Variants in UPK1B observed in about 807,000 individuals in gnomAD.
The protein encoded by UPK1B is uroplakin-1b.
Under a neutral mutation model 34.2 loss-of-function variants are expected in UPK1B, and 28 were observed. That is an observed-to-expected ratio of 0.82 (90% confidence interval 0.61 to 1.12). The LOEUF (loss-of-function observed/expected upper bound fraction) is 1.12, where lower values mean the gene tolerates loss of function less well. Ranked by LOEUF, UPK1B falls within the 50% of genes most tolerant of loss-of-function variation. The probability of loss-of-function intolerance (pLI) is 0.00; values close to 1 mark genes in which losing one functional copy is unlikely to be tolerated. For synonymous variants in UPK1B, 81 were observed against 110.4 expected (o/e 0.73, Z 1.67); for missense variants, 325 against 320.9 (o/e 1.01, Z -0.10).
intron 1 of UPK1B, among the ~76,000 whole-genome samples, chr3:119,183,327 T>TCATG (rs2077998292): frequency 6.7e-6 from 1 of 150,040 alleles, no homozygotes. Context: ...AGTGGCCCAA[T>TCATG]CATGGCTCAC....
intron 6 of UPK1B, among the ~76,000 whole-genome samples, chr3:119,198,050 C>A (rs2078074344): frequency 6.6e-6 from 1 of 152,144 alleles, no homozygotes. Flanking sequence ...GAGTAGATGA[C>A]AAGGATGGAG....
chr3:119,194,129 A>G (rs919377474), intron 5 of UPK1B, 90 bp from the exon 6 acceptor site: 12 of 1,281,186 alleles, frequency 9.4e-6, no homozygotes, highest in Non-Finnish European at 1.3e-5. Flanking sequence ...CACTTTCCGT[A>G]TCTTCTTTCT....
In UPK1B at chr3:119,179,352, GATATATATATATATATATATAT is replaced by G. The variant is rs60685268; in HGVS notation, c.-29+5739_-29+5760del. 2.1e-3 allele frequency among the ~76,000 whole-genome samples: 97 copies of G among 46,902 alleles called. 4 individuals carry two copies. The highest frequency in any genetic ancestry group is 5.2e-3 in the African/African-American group (85 of 16,360). 30.8% of individuals were successfully genotyped at this position (46,902 alleles called of 152,430 possible). On this transcript the variant is annotated intron_variant, in intron 1 of 7. Coordinates refer to ENST00000264234, the MANE Select transcript of UPK1B (RefSeq NM_006952.4). ...AGAGAGAGGGAGAGAGAGAGAGGGA[GATATATATATATATATATATAT>G]ATATATATATATATATATATATATT...
At chr3:119,174,385 T>C (rs2107568878) in intron 1 of UPK1B, among the ~76,000 whole-genome samples, 1 of 152,356 alleles carries the variant, frequency 6.6e-6, no homozygotes, top group South Asian at 2.1e-4. Flanking sequence ...CAAATAATGC[T>C]AGTATTATTT....
At chr3:119,190,960 G>A (rs1287742941) in intron 4 of UPK1B, 22 bp from the exon 5 acceptor site, 2 of 1,612,604 alleles carry the variant, frequency 1.2e-6, no homozygotes, top group Admixed American at 3.3e-5. Context: ...TCTCCCTCTT[G>A]TGTTGCCTCT....
chr3:119,180,202 T>A (rs560964012), intron 1 of UPK1B, among the ~76,000 whole-genome samples: 2 of 152,334 alleles, frequency 1.3e-5, no homozygotes, highest in South Asian at 4.1e-4. Context: ...AAATGCTGCT[T>A]CTTCAGGAAA....
intron 1 of UPK1B, among the ~76,000 whole-genome samples, chr3:119,179,545 T>G (rs2077978655): frequency 9.7e-6 from 1 of 102,722 alleles, no homozygotes; most frequent in Admixed American, 1.2e-4. Context: ...AGTCTCGCTC[T>G]GTCGCCCAGG....
At chr3:119,190,138 T>G (rs190781898) in intron 3 of UPK1B, 107 bp from the exon 4 acceptor site, 42 of 843,686 alleles carry the variant, frequency 5.0e-5, no homozygotes, top group Non-Finnish European at 8.0e-5. Flanking sequence ...ACTACATGAG[T>G]GATTACATGA....
In UPK1B at chr3:119,178,161, C is replaced by A. The variant is rs78975352; in HGVS notation, c.-29+4523C>A. On this transcript the variant is annotated intron_variant, in intron 1 of 7. Transcript: ENST00000264234. Reference sequence around the variant, plus strand: ...CTGGATGGGTGCTGCCTTGAATACACACTGAGGAGTTTGTACTTTATCTCT... The same window carrying A: ...CTGGATGGGTGCTGCCTTGAATACAAACTGAGGAGTTTGTACTTTATCTCT... 0.015 allele frequency among the ~76,000 whole-genome samples: 2,220 copies of A among 152,336 alleles called. 82 individuals are homozygous for A. In the East Asian group the frequency reaches 0.16, roughly 11 times the overall value.
chr3:119,201,928 A>G (rs1487648955), intron 7 of UPK1B, among the ~76,000 whole-genome samples: 1 of 152,238 alleles, frequency 6.6e-6, no homozygotes, highest in Admixed American at 6.5e-5. Context: ...TATTTGTGCC[A>G]TATTAGCAGG....
chr3:119,189,321 C>A (rs67108505), intron 3 of UPK1B, among the ~76,000 whole-genome samples: 16,333 of 152,208 alleles, frequency 0.11, 1,042 homozygotes, highest in African/African-American at 0.17. Context: ...GAGGGTCCTG[C>A]TCGGAGAGCC....
chr3:119,182,977 A>T (rs1251660218), intron 1 of UPK1B, among the ~76,000 whole-genome samples: 3 of 152,206 alleles, frequency 2.0e-5, no homozygotes, highest in African/African-American at 7.2e-5. Flanking sequence ...AAATATGAGC[A>T]TCGTGTCCAG....
chr3:119,175,956 G>C (rs1317135464), intron 1 of UPK1B: 1 of 152,224 alleles, frequency 6.6e-6, no homozygotes, highest in Admixed American at 6.5e-5. Context: ...TGAGCCATGG[G>C]TGACAGCCCT....
At chr3:119,181,978 C>T (rs537473330) in intron 1 of UPK1B, among the ~76,000 whole-genome samples, 1 of 152,330 alleles carries the variant, frequency 6.6e-6, no homozygotes, top group Non-Finnish European at 1.5e-5. Flanking sequence ...ATCTCTGCAT[C>T]AACTTGCAGT....
At chr3:119,200,663 A>G (rs1283200637) in intron 7 of UPK1B, among the ~76,000 whole-genome samples, 2 of 152,238 alleles carry the variant, frequency 1.3e-5, no homozygotes, top group African/African-American at 2.4e-5. Flanking sequence ...TCACGGTGAC[A>G]ACTACAAGTT....
chr3:119,187,795 T>C lies in UPK1B; in HGVS notation c.90T>C (p.Thr30=). 2 of 1,611,830 alleles carry C rather than the reference T, an allele frequency of 1.2e-6. No individual in the cohort carries two copies. Among genetic ancestry groups the C allele is most frequent in the South Asian group, 2.2e-5 (2 of 91,008 alleles). The change falls in exon 3 of 8, where the codon ACT becomes ACC. Residue 30 remains threonine (T), a synonymous_variant. Transcript: ENST00000264234. ...VIIGCCGIAL[T]AECIFFVSDQ... is the part of the protein sequence containing the mutation. ...CCCAGTGTTGCGGCATTGCCCTGAC[T>C]GCGGAGTGCATCTTCTTTGTATCTG...
At position 119,199,104 on chromosome 3, in the gene UPK1B, G is replaced by C; in HGVS notation, c.696G>C (p.Gly232=). 6.2e-7 allele frequency: 1 copy of C among 1,614,106 alleles called. No homozygotes were observed. Among genetic ancestry groups the C allele is most frequent in the Non-Finnish European group, 8.5e-7 (1 of 1,179,978 alleles). ...GTCCAATGAACCGACACGCCTGGGG[G>C]GTTGCCTGGTTTGGATTTGCCATTC... ...ISGPMNRHAW[G]VAWFGFAILC... The change falls in exon 7 of 8, where the codon GGG becomes GGC. Residue 232 remains glycine (G), a synonymous_variant. Transcript: ENST00000264234.
chr3:119,184,591 C>T (rs1311363393), intron 1 of UPK1B, among the ~76,000 whole-genome samples: 10 of 147,832 alleles, frequency 6.8e-5, no homozygotes, highest in East Asian at 4.0e-4. Flanking sequence ...CCAGGTGTGG[C>T]GGTGGGCACC....
chr3:119,186,514 A>G (rs1576868383), intron 1 of UPK1B, among the ~76,000 whole-genome samples, 200 bp from the exon 2 acceptor site: 1 of 152,360 alleles, frequency 6.6e-6, no homozygotes, highest in East Asian at 1.9e-4. Flanking sequence ...AAAGGCACTG[A>G]CCAGGCTCTG....
Sources: allele counts gnomAD v4.1 joint callset (sites outside exome capture counted in the v4.1 genomes callset), GRCh38; gene constraint gnomAD v4.1.1; transcripts MANE v1.5; gene names NCBI Gene and HGNC (gene_info 2026-07-23, HGNC 2026-07-21).